Variants in TTC23L observed in about 807,000 individuals in gnomAD.
TTC23L encodes the protein tetratricopeptide repeat protein 23-like.
Under a neutral mutation model 48.1 loss-of-function variants are expected in TTC23L, and 42 were observed. The ratio of observed to expected loss-of-function variants is 0.87; its 90% CI spans 0.68 to 1.13. TTC23L has a LOEUF of 1.13. Ranked by LOEUF, TTC23L falls within the 50% of genes most tolerant of loss-of-function variation. The pLI is 0.00. For missense variants in TTC23L, 391 were observed against 421.0 expected (o/e 0.93, Z 0.62); for synonymous variants, 159 against 157.2 (o/e 1.01, Z -0.09).
exon 3 of TTC23L, chr5:34,845,502 G>C: frequency 6.2e-7 from 1 of 1,613,348 alleles, no homozygotes; most frequent in Non-Finnish European, 8.5e-7. Context: ...AGCAAACCGA[G>C]ATCCCAGCTC....
chr5:34,868,806 A>G, intron 7 of TTC23L, 99 bp from the exon 8 acceptor site: 1 of 920,788 alleles, frequency 1.1e-6, no homozygotes, highest in Admixed American at 2.0e-5. Flanking sequence ...ACTCATAGCT[A>G]GGAAGTGGCA....
At position 34,845,535 on chromosome 5, in the gene TTC23L, TC is replaced by T. The variant is rs1561118903; in HGVS notation, c.120del (p.Thr41LeufsTer20). 32 of 1,613,726 alleles carry T rather than the reference TC, an allele frequency of 2.0e-5. No individual in the cohort carries two copies. The highest frequency in any genetic ancestry group is 2.5e-5 in the Non-Finnish European group (30 of 1,179,868). ...CTCACCAGCAAACAGATGAGTTGTA[TC>T]CCACTGGTGGGTGTGGAGAGAGTGA... On this transcript the variant is annotated frameshift_variant, in exon 3 of 11. Transcript: ENST00000505624. LOFTEE classifies it high-confidence loss of function.
At chr5:34,845,646 A>G (rs755275869) in exon 3 of TTC23L, 3 of 1,611,550 alleles carry the variant, frequency 1.9e-6, no homozygotes, top group African/African-American at 1.3e-5. Context: ...CCCAGAAGAA[A>G]GTAGCTCAGC....
chr5:34,915,566 G>T, the TTC23L span: 1 of 769,180 alleles, frequency 1.3e-6, no homozygotes, highest in Non-Finnish European at 2.0e-6. Context: ...CCACAGAGCT[G>T]AAGGAGGCCT....
chr5:34,888,437 G>T (rs1213061579), intron 9 of TTC23L: 19 of 980,602 alleles, frequency 1.9e-5, no homozygotes, highest in Non-Finnish European at 2.2e-5. Flanking sequence ...TTAACCTGTT[G>T]TTTCTCACCT....
At chr5:34,914,814 GA>G in the TTC23L span, 1 of 1,614,222 alleles carries the variant, frequency 6.2e-7, no homozygotes, top group South Asian at 1.1e-5. Context: ...ATAGTGGAGA[GA>G]TTCCTAACGT....
chr5:34,923,478 A>G, the TTC23L span: 58 of 455,622 alleles, frequency 1.3e-4, 2 homozygotes, highest in Non-Finnish European at 2.0e-5. Context: ...GGGTTTCGCC[A>G]TGTTGGCCAG....
chr5:34,849,389 G>A (rs900820460), intron 3 of TTC23L, among the ~76,000 whole-genome samples: 19 of 152,178 alleles, frequency 1.2e-4, no homozygotes, highest in Non-Finnish European at 2.4e-4. Context: ...GCAGAACAGA[G>A]AATGGAGGGA....
chr5:34,870,214 A>G (rs1026822210), intron 8 of TTC23L, among the ~76,000 whole-genome samples: 1 of 152,078 alleles, frequency 6.6e-6, no homozygotes, highest in Non-Finnish European at 1.5e-5. Context: ...ATGCACCAAA[A>G]CTAAAAAAGT....
chr5:34,871,852 G>A (rs955224365), intron 8 of TTC23L, among the ~76,000 whole-genome samples: 15 of 152,030 alleles, frequency 9.9e-5, no homozygotes, highest in African/African-American at 3.4e-4. Flanking sequence ...GGAAAGGATA[G>A]TCTTTAAAAC....
chr5:34,856,800 A>C (rs1172598880), intron 4 of TTC23L, among the ~76,000 whole-genome samples: 1 of 152,222 alleles, frequency 6.6e-6, no homozygotes, highest in Non-Finnish European at 1.5e-5. Context: ...GCTGCAGTGA[A>C]ATGCGGACTG....
At chr5:34,866,981 C>T (rs1199947241) in exon 7 of TTC23L, 17 of 1,611,170 alleles carry the variant, frequency 1.1e-5, no homozygotes, top group African/African-American at 2.7e-5. Context: ...GGTGATAGGA[C>T]GTCAGATCTG....
chr5:34,902,001 T>C (rs1226180902), downstream of TTC23L, among the ~76,000 whole-genome samples: 2 of 152,220 alleles, frequency 1.3e-5, no homozygotes, highest in Admixed American at 6.5e-5. Flanking sequence ...GCGAAAGAAT[T>C]TGCAATCTTG....
chr5:34,875,056 C>T (rs192918770), intron 8 of TTC23L, among the ~76,000 whole-genome samples: 44 of 152,120 alleles, frequency 2.9e-4, no homozygotes, highest in Admixed American at 2.8e-3. Context: ...CAAGAGTAGC[C>T]GTACTAGTTT....
In TTC23L at chr5:34,863,202, C is replaced by A; in HGVS notation, c.536+148C>A. On this transcript the variant is annotated intron_variant, in intron 5 of 10. Transcript: ENST00000505624. This position sits in a 1 kb window ranked among gnomAD's most constrained non-coding sequence, Gnocchi z 4.1. ...AGGCCCTCCATGAGCCTCTCCTCTC[C>A]ATCTAGAAGGGTGTGTATTCTCTTC... 2 of 929,198 alleles carry A rather than the reference C, an allele frequency of 2.2e-6. No individual in the cohort carries two copies. Among genetic ancestry groups the A allele is most frequent in the South Asian group, 1.7e-5 (1 of 57,878 alleles). The allele number at this position is 929,198 out of a possible 1,614,324, so 57.6% of individuals were successfully genotyped here.
chr5:34,924,642 A>C, the TTC23L span, among the ~76,000 whole-genome samples: 1 of 152,226 alleles, frequency 6.6e-6, no homozygotes, highest in African/African-American at 2.4e-5. Context: ...GAACTCACTG[A>C]AAAAACATTT....
rs541695885 is a variant in TTC23L, at chr5:34,898,491, G to A, written c.*98-899G>A. ...GTGGTGCGACAGAAGTAGGCCCGAGGCTGATTCCCACTTACTATCCCTAGC... is the reference window on the plus strand; with the variant it reads ...GTGGTGCGACAGAAGTAGGCCCGAGACTGATTCCCACTTACTATCCCTAGC... On this transcript the variant is annotated intron_variant, in intron 10 of 10. Transcript: ENST00000505624. Among the ~76,000 whole-genome samples, 18 of 152,234 alleles carry A rather than the reference G, an allele frequency of 1.2e-4. No individual in the cohort carries two copies. The East Asian group carries it at 2.3e-3, about 20-fold the overall frequency.
At chr5:34,918,524 ATT>A in the TTC23L span, 1 of 1,051,080 alleles carries the variant, frequency 9.5e-7, no homozygotes, top group Non-Finnish European at 1.4e-6. Flanking sequence ...AAACTTACCT[ATT>A]TTTATGTTTT....
chr5:34,861,796 G>A (rs1035347586), intron 4 of TTC23L, among the ~76,000 whole-genome samples: 1 of 152,182 alleles, frequency 6.6e-6, no homozygotes, highest in Non-Finnish European at 1.5e-5. Context: ...GGCCTACTTG[G>A]CAGGGGTGAA....
Sources: allele counts gnomAD v4.1 joint callset (sites outside exome capture counted in the v4.1 genomes callset), GRCh38; gene constraint gnomAD v4.1.1; non-coding constraint Gnocchi (gnomAD v3.1); transcripts MANE v1.5; gene names NCBI Gene and HGNC (gene_info 2026-07-23, HGNC 2026-07-21).